PIP5K1B: variants seen among roughly 807,000 people sequenced by gnomAD.
PIP5K1B encodes phosphatidylinositol-4-phosphate 5-kinase type 1 beta.
In PIP5K1B, 42 loss-of-function variants were observed where a neutral mutation model predicts 67.0. The observed-to-expected ratio is 0.63, with a 90% CI of 0.49 to 0.81. The LOEUF (loss-of-function observed/expected upper bound fraction) is 0.81, where lower values mean the gene tolerates loss of function less well. Ranked by LOEUF, PIP5K1B falls within the 30% of genes least tolerant of loss-of-function variation. PIP5K1B has a pLI of 0.00. For synonymous variants in PIP5K1B, 214 were observed against 231.4 expected, an observed-to-expected ratio of 0.92 and a Z score of 0.68; for missense variants, 459 against 646.3, an observed-to-expected ratio of 0.71 and a Z score of 3.14.
At chr9:68,709,634 A>G (rs1827291959) in intron 1 of PIP5K1B, among the ~76,000 whole-genome samples, 1 of 152,216 alleles carries the variant, frequency 6.6e-6, no homozygotes, top group South Asian at 2.1e-4. Flanking sequence ...GAGAGAGGAA[A>G]CTGTTCAAAT....
chr9:68,862,801 T>A (rs1447442927), intron 4 of PIP5K1B, among the ~76,000 whole-genome samples: 7 of 130,800 alleles, frequency 5.4e-5, no homozygotes, highest in Non-Finnish European at 6.6e-5. Context: ...CAAAAAAAAA[T>A]AAAAAATAAA....
intron 14 of PIP5K1B, among the ~76,000 whole-genome samples, chr9:68,949,032 T>G (rs1827932949): frequency 6.6e-6 from 1 of 152,218 alleles, no homozygotes; most frequent in Admixed American, 6.5e-5. Flanking sequence ...ATTTAGTTTA[T>G]GGATAAATCA....
At chr9:68,811,519 C>G (rs1422821638) in intron 2 of PIP5K1B, among the ~76,000 whole-genome samples, 1 of 152,150 alleles carries the variant, frequency 6.6e-6, no homozygotes, top group Non-Finnish European at 1.5e-5. Context: ...TAGTGACTGT[C>G]TTCTCCATGC....
chr9:68,844,147 A>G (rs1215565906), intron 4 of PIP5K1B, among the ~76,000 whole-genome samples: 1 of 152,232 alleles, frequency 6.6e-6, no homozygotes. Context: ...AGTAGGGGTT[A>G]TGTGTCCATA....
At chr9:68,918,094 TA>T (rs759097627) in intron 9 of PIP5K1B, among the ~76,000 whole-genome samples, 4,877 of 136,742 alleles carry the variant, frequency 0.036, 161 homozygotes, top group African/African-American at 0.067. Context: ...TTTATTTATT[TA>T]TTTTTTTTTT....
At chr9:68,810,179 T>C (rs1163631757) in intron 2 of PIP5K1B, among the ~76,000 whole-genome samples, 3 of 152,240 alleles carry the variant, frequency 2.0e-5, no homozygotes, top group Admixed American at 6.5e-5. Flanking sequence ...TATTTGAATA[T>C]GGCTATCCTA....
At chr9:68,853,949 C>T (rs1822629342) in intron 4 of PIP5K1B, among the ~76,000 whole-genome samples, 1 of 152,106 alleles carries the variant, frequency 6.6e-6, no homozygotes, top group Admixed American at 6.5e-5. Context: ...CTCCCAAGCC[C>T]CTCCCACTGC....
intron 15 of PIP5K1B, among the ~76,000 whole-genome samples, chr9:68,999,118 C>T (rs1009182372): frequency 6.6e-6 from 1 of 152,200 alleles, no homozygotes; most frequent in Admixed American, 6.5e-5. Context: ...TCACTGCTGC[C>T]ATGTTCATAT....
intron 2 of PIP5K1B, chr9:68,781,308 G>A (rs1272396409): frequency 9.8e-6 from 3 of 305,382 alleles, no homozygotes; most frequent in South Asian, 6.4e-5. Flanking sequence ...GTTATCCCTT[G>A]ATTTTTTTAA....
At chr9:68,842,851 A>C (rs531771440) in intron 4 of PIP5K1B, among the ~76,000 whole-genome samples, 1 of 152,358 alleles carries the variant, frequency 6.6e-6, no homozygotes, top group South Asian at 2.1e-4. Context: ...CTTATCTGAT[A>C]CTGGGCTTTG....
At chr9:68,749,363 G>A (rs1307454353) in intron 2 of PIP5K1B, among the ~76,000 whole-genome samples, 1 of 152,170 alleles carries the variant, frequency 6.6e-6, no homozygotes, top group East Asian at 1.9e-4. Flanking sequence ...GCAGCCACCA[G>A]GAACTGGAAG....
intron 8 of PIP5K1B, among the ~76,000 whole-genome samples, chr9:68,899,937 G>A (rs1283075261): frequency 6.6e-6 from 1 of 152,076 alleles, no homozygotes; most frequent in East Asian, 1.9e-4. Flanking sequence ...CCCTCAAGTA[G>A]GCCCTTGTGT....
intron 2 of PIP5K1B, chr9:68,782,659 G>A (rs1316245246): frequency 6.0e-6 from 1 of 167,108 alleles, no homozygotes; most frequent in Non-Finnish European, 1.5e-5. Context: ...TGCATCGAGG[G>A]TAAGACTGTG....
intron 15 of PIP5K1B, among the ~76,000 whole-genome samples, chr9:69,005,087 C>T (rs1407937799): frequency 6.6e-6 from 1 of 151,186 alleles, no homozygotes; most frequent in Non-Finnish European, 1.5e-5. Context: ...TTTATAGGAG[C>T]TTATAGAAAC....
intron 4 of PIP5K1B, among the ~76,000 whole-genome samples, chr9:68,841,137 A>C (rs577064275): frequency 1.7e-4 from 26 of 152,304 alleles, no homozygotes; most frequent in African/African-American, 5.8e-4. Flanking sequence ...TTCAATACCT[A>C]AGTCTCCCTG....
chr9:68,829,039 T>C (rs558271290), intron 4 of PIP5K1B, among the ~76,000 whole-genome samples: 2 of 152,246 alleles, frequency 1.3e-5, no homozygotes, highest in African/African-American at 4.8e-5. Context: ...AAGGCAGAGG[T>C]TGCAGTGAGC....
intron 2 of PIP5K1B, among the ~76,000 whole-genome samples, chr9:68,763,603 TA>T (rs984061393): frequency 3.0e-4 from 45 of 151,130 alleles, no homozygotes; most frequent in Middle Eastern, 3.4e-3. Flanking sequence ...TGAAGGATGT[TA>T]AAAAAAAATA....
intron 2 of PIP5K1B, among the ~76,000 whole-genome samples, chr9:68,785,349 C>T (rs781091577): frequency 6.6e-6 from 1 of 152,160 alleles, no homozygotes; most frequent in Non-Finnish European, 1.5e-5. Flanking sequence ...CTCACTCCAG[C>T]AGTTTTGCCC....
rs994542061 is a variant in PIP5K1B, at chr9:68,852,126, C to A, written c.70-11711C>A. On this transcript the variant is annotated intron_variant, in intron 4 of 15. Transcript: ENST00000265382. ...TACCAAATGCATGCAGGGCTTAAAACCTAGATGACAGGTTGATAGGTGTAG... is the reference window on the plus strand; with the variant it reads ...TACCAAATGCATGCAGGGCTTAAAAACTAGATGACAGGTTGATAGGTGTAG... Among the ~76,000 whole-genome samples the A allele has an allele frequency of 4.6e-5, 7 of 152,160 alleles. No individual in the cohort carries two copies. The East Asian group carries it at 7.7e-4, about 17-fold the overall frequency.
Sources: gnomAD v4.1 joint callset for allele counts (sites outside exome capture counted in the v4.1 genomes callset) on GRCh38, gnomAD v4.1.1 for gene constraint, MANE v1.5 for transcripts, NCBI Gene and HGNC (gene_info 2026-07-23, HGNC 2026-07-21) for gene names.